CSTPP1: variants seen among roughly 807,000 people sequenced by gnomAD.
CSTPP1 encodes UPF0705 protein C11orf49.
At chr11:47,110,895 T>TTTTTTTTTA in the CSTPP1 span, among the ~76,000 whole-genome samples, 1 of 148,338 alleles carries the variant, frequency 6.7e-6, no homozygotes. Context: ...CACATCTTTT[T>TTTTTTTTTA]TTTTTTTTTT....
chr11:47,006,077 A>T, the CSTPP1 span, among the ~76,000 whole-genome samples: 1 of 152,156 alleles, frequency 6.6e-6, no homozygotes, highest in African/African-American at 2.4e-5. Context: ...CATAAAGTTT[A>T]AAAAAATCTA....
the CSTPP1 span, among the ~76,000 whole-genome samples, chr11:47,047,782 C>T: frequency 6.6e-6 from 1 of 152,042 alleles, no homozygotes; most frequent in East Asian, 1.9e-4. Context: ...GAATTAATAT[C>T]CAGAATATGT....
chr11:46,968,087 G>A, the CSTPP1 span, among the ~76,000 whole-genome samples: 1 of 151,022 alleles, frequency 6.6e-6, no homozygotes, highest in South Asian at 2.1e-4. Flanking sequence ...CATGCTGGCT[G>A]AAACTGGCCC....
At chr11:47,118,440 C>A in the CSTPP1 span, among the ~76,000 whole-genome samples, 7 of 152,138 alleles carry the variant, frequency 4.6e-5, no homozygotes, top group Admixed American at 2.6e-4. Context: ...AACCTTCTGA[C>A]GCCTACTTCT....
the CSTPP1 span, among the ~76,000 whole-genome samples, chr11:46,980,179 C>T: frequency 4.6e-5 from 7 of 152,170 alleles, no homozygotes; most frequent in African/African-American, 1.7e-4. Context: ...CTCAGCTTTT[C>T]ACAGCTATTA....
At chr11:46,993,846 G>A in the CSTPP1 span, among the ~76,000 whole-genome samples, 6 of 152,132 alleles carry the variant, frequency 3.9e-5, no homozygotes, top group Non-Finnish European at 8.8e-5. Flanking sequence ...GGATGGCATT[G>A]AATCTATAAA....
At chr11:47,108,651 G>A in the CSTPP1 span, among the ~76,000 whole-genome samples, 1 of 151,394 alleles carries the variant, frequency 6.6e-6, no homozygotes, top group Non-Finnish European at 1.5e-5. Flanking sequence ...GACTTGATTG[G>A]AGAATTAGAA....
the CSTPP1 span, among the ~76,000 whole-genome samples, chr11:46,976,083 A>G: frequency 6.6e-6 from 1 of 152,158 alleles, no homozygotes; most frequent in African/African-American, 2.4e-5. Flanking sequence ...AAAATGGACT[A>G]TGTGCTCCTA....
At chr11:47,015,985 C>T in the CSTPP1 span, among the ~76,000 whole-genome samples, 1 of 152,136 alleles carries the variant, frequency 6.6e-6, no homozygotes, top group African/African-American at 2.4e-5. Context: ...TTCATGCTGT[C>T]TCTCACCTGT....
chr11:47,019,669 C>T, the CSTPP1 span, among the ~76,000 whole-genome samples: 1 of 151,918 alleles, frequency 6.6e-6, no homozygotes, highest in Admixed American at 6.6e-5. Flanking sequence ...TGTGGCACCC[C>T]AAAATAATTA....
At chr11:47,045,764 A>G in the CSTPP1 span, among the ~76,000 whole-genome samples, 1 of 152,046 alleles carries the variant, frequency 6.6e-6, no homozygotes, top group African/African-American at 2.4e-5. Context: ...TGATTTTTTT[A>G]AAGTAGTCAT....
the CSTPP1 span, among the ~76,000 whole-genome samples, chr11:47,112,896 T>A: frequency 6.6e-6 from 1 of 152,184 alleles, no homozygotes; most frequent in Non-Finnish European, 1.5e-5. Flanking sequence ...AATCTGCAGG[T>A]TTGGTACATA....
chr11:46,995,086 G>A, the CSTPP1 span, among the ~76,000 whole-genome samples: 2 of 152,198 alleles, frequency 1.3e-5, no homozygotes, highest in African/African-American at 4.8e-5. Flanking sequence ...AGCATTCTCT[G>A]ATGGTAGTTT....
the CSTPP1 span, among the ~76,000 whole-genome samples, chr11:47,090,801 A>G: frequency 6.6e-6 from 1 of 152,178 alleles, no homozygotes; most frequent in South Asian, 2.1e-4. Context: ...GCACTTTGGG[A>G]GGCCGAGGTG....
At chr11:46,994,868 T>C in the CSTPP1 span, among the ~76,000 whole-genome samples, 2 of 152,364 alleles carry the variant, frequency 1.3e-5, no homozygotes, top group South Asian at 4.1e-4. Flanking sequence ...CTCCTCTTTG[T>C]ACCTCTGGTA....
At chr11:46,959,010 T>C in the CSTPP1 span, among the ~76,000 whole-genome samples, 15 of 152,128 alleles carry the variant, frequency 9.9e-5, no homozygotes, top group Non-Finnish European at 2.1e-4. Context: ...CAACCAGAAA[T>C]GATGTTTTAC....
At chr11:47,029,961 G>A in the CSTPP1 span, among the ~76,000 whole-genome samples, 2 of 150,272 alleles carry the variant, frequency 1.3e-5, no homozygotes, top group Non-Finnish European at 3.0e-5. Flanking sequence ...AAGAAAGAAA[G>A]GAAGAAAGAA....
chr11:46,977,221 C>T, the CSTPP1 span, among the ~76,000 whole-genome samples: 2 of 152,152 alleles, frequency 1.3e-5, no homozygotes, highest in African/African-American at 4.8e-5. Context: ...GCTACATGGG[C>T]TAGGGACTCC....
chr11:47,157,195 C>T, the CSTPP1 span: 1 of 1,596,974 alleles, frequency 6.3e-7, no homozygotes, highest in Non-Finnish European at 8.5e-7. Flanking sequence ...GTCTGGAAAA[C>T]CTGTGTGATC....
Sources: gnomAD v4.1 joint callset for allele counts (sites outside exome capture counted in the v4.1 genomes callset) on GRCh38, gnomAD v4.1.1 for gene constraint, MANE v1.5 for transcripts, NCBI Gene and HGNC (gene_info 2026-07-23, HGNC 2026-07-21) for gene names.